Variants in ZBTB25 observed in about 807,000 individuals in gnomAD.
ZBTB25 encodes zinc finger and BTB domain containing 25, also known as zinc finger and BTB domain-containing protein 25.
Under a neutral mutation model 34.2 loss-of-function variants are expected in ZBTB25, and 20 were observed. That is an observed-to-expected ratio of 0.58 (90% CI 0.41 to 0.85). The LOEUF is 0.85. ZBTB25 is among the 40% of genes least tolerant of loss of function. The pLI, the probability that ZBTB25 is intolerant of heterozygous loss-of-function variation, is 0.00. For synonymous variants in ZBTB25, 175 were observed against 186.4 expected, an observed-to-expected ratio of 0.94 and a Z score of 0.50; for missense variants, 437 against 521.8, an observed-to-expected ratio of 0.84 and a Z score of 1.58.
intron 1 of ZBTB25, among the ~76,000 whole-genome samples, chr14:64,500,964 T>A (rs2140027291): frequency 6.6e-6 from 1 of 152,302 alleles, no homozygotes; most frequent in Middle Eastern, 3.4e-3. Flanking sequence ...AGCCAGAGAA[T>A]CGCTTGAATG....
At position 64,482,971 on chromosome 14, in the gene ZBTB25, A is replaced by G. The variant is rs1198081753; in HGVS notation, c.*3952T>C. On this transcript the variant is annotated 3_prime_UTR_variant, in exon 3 of 3. Transcript: ENST00000608382. ...CAATCTCAAGAGTTATAAATAAAAA[A>G]ATTTTTTGTTTTCTTATAAGGCAGA... is the stretch of plus-strand genomic sequence containing the variant. 1 of 152,214 alleles carries G rather than the reference A, an allele frequency of 6.6e-6. No homozygotes were observed. The highest frequency in any genetic ancestry group is 1.5e-5 in the Non-Finnish European group (1 of 68,046). The allele number at this position is 152,214 out of a possible 1,614,324, so 9.4% of individuals were successfully genotyped here.
rs920156037 is a variant in ZBTB25 at position 64,486,531 on chromosome 14, G to A, written c.*392C>T. ...ATAATCCTGGTAGGAGTGAATTCAT[G>A]TGAAATGTAGGCAGAAGTGATAGTT... is the stretch of plus-strand genomic sequence containing the variant. On this transcript the variant is annotated 3_prime_UTR_variant, in exon 3 of 3. Transcript: ENST00000608382. 3 of 958,950 alleles carry A rather than the reference G, an allele frequency of 3.1e-6. No homozygotes were observed. The highest frequency in any genetic ancestry group is 3.7e-6 in the Non-Finnish European group (3 of 804,516). 59.4% of individuals were successfully genotyped at this position (958,950 alleles called of 1,614,324 possible). A position where few individuals can be genotyped will look rare whatever the true frequency, so the allele number is the denominator to read the frequency against.
chr14:64,477,385 T>C (rs928882756), downstream of ZBTB25, among the ~76,000 whole-genome samples: 3 of 152,176 alleles, frequency 2.0e-5, no homozygotes, highest in African/African-American at 7.2e-5. Flanking sequence ...ATATTTAAGA[T>C]TTTAAAAAAA....
intron 2 of ZBTB25, chr14:64,454,897 G>A (rs149013241): frequency 1.2e-6 from 2 of 1,613,382 alleles, no homozygotes. Context: ...CTGCAAGGGA[G>A]TAGTGGGCGC....
rs1447814375 is a variant in ZBTB25 at position 64,484,360 on chromosome 14, G to C, written c.*2563C>G. The C allele has an allele frequency of 6.6e-6, 1 of 152,198 alleles. No individual in the cohort carries two copies. Among genetic ancestry groups the C allele is most frequent in the Non-Finnish European group, 1.5e-5 (1 of 68,090 alleles). The allele number at this position is 152,198 out of a possible 1,614,324, so 9.4% of individuals were successfully genotyped here. On this transcript the variant is annotated 3_prime_UTR_variant, in exon 3 of 3. Coordinates refer to ENST00000608382, the MANE Select transcript of ZBTB25 (RefSeq NM_006977.5). ...TGTACAACTCTACCTCCACCCTTTA[G>C]CTATATACAAGGATTTCCTGTGTCA...
Position 64,486,594 on chromosome 14 carries a change from T to C in ZBTB25, c.*329A>G. The C allele has an allele frequency of 3.2e-6, 3 of 938,914 alleles. No homozygotes were observed. The highest frequency in any genetic ancestry group is 3.9e-6 in the Non-Finnish European group (3 of 778,138). The allele number at this position is 938,914 out of a possible 1,614,324, so 58.2% of individuals were successfully genotyped here. A position where few individuals can be genotyped will look rare whatever the true frequency, so the allele number is the denominator to read the frequency against. On this transcript the variant is annotated 3_prime_UTR_variant, in exon 3 of 3. Coordinates refer to ENST00000608382, the MANE Select transcript of ZBTB25 (RefSeq NM_006977.5). The stretch of plus-strand genomic sequence containing the variant: ...TAAAACAGATTTCATTTACTTTATA[T>C]TCAATTTGATTTTACTGATTCTATA...
Position 64,485,040 on chromosome 14 carries a change from C to A in ZBTB25, c.*1883G>T. 1 of 985,436 alleles carries A rather than the reference C, an allele frequency of 1.0e-6. No individual in the cohort carries two copies. Among genetic ancestry groups the A allele is most frequent in the Non-Finnish European group, 1.2e-6 (1 of 829,928 alleles). The allele number at this position is 985,436 out of a possible 1,614,324, so 61.0% of individuals were successfully genotyped here. A position where few individuals can be genotyped will look rare whatever the true frequency, so the allele number is the denominator to read the frequency against. On this transcript the variant is annotated 3_prime_UTR_variant, in exon 3 of 3. Transcript: ENST00000608382. The stretch of plus-strand genomic sequence containing the variant: ...CACACATCAGTCTTAACCATAGGAG[C>A]CTTTACTCACTTGTTTAAGGCAGAA...
chr14:64,503,288 T>TC, intron 1 of ZBTB25: 1 of 985,368 alleles, frequency 1.0e-6, no homozygotes, highest in Non-Finnish European at 1.2e-6. Flanking sequence ...CGCCCGCTCG[T>TC]AAGAGGGGTC....
At chr14:64,504,240 C>G (rs990332512), upstream of ZBTB25, 3 of 150,432 alleles carry the variant, frequency 2.0e-5, no homozygotes, top group African/African-American at 7.4e-5. Context: ...CCAGAGGCAG[C>G]AGGCCCACGG....
chr14:64,502,977 C>G, intron 1 of ZBTB25: 1 of 985,476 alleles, frequency 1.0e-6, no homozygotes, highest in African/African-American at 1.7e-5. Flanking sequence ...AATTTAATCC[C>G]TTGGGGTGAT....
chr14:64,480,178 C>A lies in ZBTB25; in HGVS notation c.*6745G>T. ...CTCTACTAGAAATACAAAAAATTAG[C>A]CGAGTGTAGTGGTGGGAACCTGTAA... On this transcript the variant is annotated 3_prime_UTR_variant, in exon 3 of 3. Coordinates refer to ENST00000608382, the MANE Select transcript of ZBTB25 (RefSeq NM_006977.5). The A allele has an allele frequency of 9.7e-6, 2 of 206,236 alleles. No homozygotes were observed. Among genetic ancestry groups the A allele is most frequent in the Non-Finnish European group, 1.0e-5 (1 of 98,428 alleles). The allele number at this position is 206,236 out of a possible 1,614,324, so 12.8% of individuals were successfully genotyped here.
At chr14:64,458,440 G>T in intron 2 of ZBTB25, 1 of 732,088 alleles carries the variant, frequency 1.4e-6, no homozygotes. Context: ...CTTCCCTGAG[G>T]GGAGAGGGGA....
In ZBTB25 at chr14:64,481,898, T is replaced by C. The variant is rs1482952685; in HGVS notation, c.*5025A>G. ...AGTTCAAAATATACAAAGACACAAA[T>C]TACATTATGAAAATTCTTCACATGG... On this transcript the variant is annotated 3_prime_UTR_variant, in exon 3 of 3. Coordinates refer to ENST00000608382, the MANE Select transcript of ZBTB25 (RefSeq NM_006977.5). 6.6e-6 allele frequency: 1 copy of C among 152,166 alleles called. No homozygotes were observed. The highest frequency in any genetic ancestry group is 1.5e-5 in the Non-Finnish European group (1 of 68,026). The allele number at this position is 152,166 out of a possible 1,614,324, so 9.4% of individuals were successfully genotyped here. A position where few individuals can be genotyped will look rare whatever the true frequency, so the allele number is the denominator to read the frequency against.
intron 1 of ZBTB25, chr14:64,499,436 C>CAT (rs1265520106): frequency 1.3e-5 from 2 of 152,052 alleles, no homozygotes; most frequent in African/African-American, 4.8e-5. Flanking sequence ...TGTGGTGGCA[C>CAT]ATACCTATAA....
chr14:64,462,630 C>T (rs966007585), intron 2 of ZBTB25: 2 of 152,202 alleles, frequency 1.3e-5, no homozygotes, highest in African/African-American at 4.8e-5. Context: ...TCTGATCTCA[C>T]TTCAGAGGCT....
intron 2 of ZBTB25, chr14:64,449,784 T>A (rs2078340786): frequency 1.2e-6 from 1 of 815,834 alleles, no homozygotes; most frequent in Non-Finnish European, 2.0e-6. Context: ...CTCCCAGCTG[T>A]AGACAGCCTT....
At position 64,478,662 on chromosome 14, in the gene ZBTB25, T is replaced by C. The variant is rs941649695; in HGVS notation, c.*8261A>G. ...TATTTTAAAAAGTTATCTGCTGAGA[T>C]ATGTACATGTAAATCAGAAGCATCT... On this transcript the variant is annotated 3_prime_UTR_variant, in exon 3 of 3. Coordinates refer to ENST00000608382, the MANE Select transcript of ZBTB25 (RefSeq NM_006977.5). 4.6e-5 allele frequency: 7 copies of C among 152,144 alleles called. No individual in the cohort carries two copies. The highest frequency in any genetic ancestry group is 1.4e-4 in the African/African-American group (6 of 41,428). 9.4% of individuals were successfully genotyped at this position (152,144 alleles called of 1,614,324 possible). A position where few individuals can be genotyped will look rare whatever the true frequency, so the allele number is the denominator to read the frequency against.
chr14:64,490,130 C>T (rs2079025479), intron 2 of ZBTB25, among the ~76,000 whole-genome samples: 1 of 137,598 alleles, frequency 7.3e-6, no homozygotes, highest in Non-Finnish European at 1.5e-5. Flanking sequence ...ATCGCTTGTA[C>T]CTGGGAGGCA....
chr14:64,459,171 C>T (rs967110588), intron 2 of ZBTB25, among the ~76,000 whole-genome samples: 1 of 152,170 alleles, frequency 6.6e-6, no homozygotes, highest in Non-Finnish European at 1.5e-5. Context: ...GGGTTTGCCA[C>T]CCCACATCTC....
Sources: allele counts gnomAD v4.1 joint callset (sites outside exome capture counted in the v4.1 genomes callset), GRCh38; gene constraint gnomAD v4.1.1; transcripts MANE v1.5; gene names NCBI Gene and HGNC (gene_info 2026-07-23, HGNC 2026-07-21).